The following GALNTL6 variants were observed in gnomAD, a reference collection of about 807,000 sequenced individuals.
GALNTL6 encodes polypeptide N-acetylgalactosaminyltransferase-like 6.
In GALNTL6, 46 loss-of-function variants were observed where a neutral mutation model predicts 73.7. That is an observed-to-expected ratio of 0.62 (90% CI 0.49 to 0.80). GALNTL6 has a LOEUF of 0.80. GALNTL6 is among the 30% of genes least tolerant of loss of function. The pLI is 0.00. For synonymous variants in GALNTL6, 259 were observed against 263.7 expected (o/e 0.98, Z 0.17); for missense variants, 604 against 755.0 (o/e 0.80, Z 2.34).
intron 5 of GALNTL6, among the ~76,000 whole-genome samples, chr4:172,543,630 G>A (rs1005219789): frequency 6.6e-6 from 1 of 152,176 alleles, no homozygotes; most frequent in African/African-American, 2.4e-5. Flanking sequence ...AAAAGTAAAT[G>A]GTTTGAGAAA....
At chr4:172,777,579 G>A (rs766786480) in intron 5 of GALNTL6, among the ~76,000 whole-genome samples, 89 of 152,280 alleles carry the variant, frequency 5.8e-4, no homozygotes, top group Middle Eastern at 3.4e-3. Context: ...ACTTTGCATT[G>A]TATCTGACTC....
intron 5 of GALNTL6, among the ~76,000 whole-genome samples, chr4:172,498,152 G>A (rs760829971): frequency 5.9e-5 from 9 of 151,742 alleles, no homozygotes; most frequent in Non-Finnish European, 8.8e-5. Flanking sequence ...CACCACACCC[G>A]GCTAATTTTT....
At chr4:172,606,619 GTATA>G in intron 5 of GALNTL6, among the ~76,000 whole-genome samples, 2 of 33,054 alleles carry the variant, frequency 6.1e-5, no homozygotes, top group African/African-American at 1.4e-4. Context: ...TACATATATA[GTATA>G]TATATACTAT....
At chr4:172,975,537 C>G (rs1750768329) in intron 10 of GALNTL6, among the ~76,000 whole-genome samples, 1 of 152,200 alleles carries the variant, frequency 6.6e-6, no homozygotes, top group South Asian at 2.1e-4. Flanking sequence ...GCTGAACTGA[C>G]AGCCTGGCCA....
chr4:172,337,461 A>C (rs1284568070), intron 4 of GALNTL6, among the ~76,000 whole-genome samples: 1 of 152,146 alleles, frequency 6.6e-6, no homozygotes, highest in African/African-American at 2.4e-5. Context: ...TGGATCTTTT[A>C]TAAGGTTGGT....
chr4:172,036,905 A>C lies in GALNTL6; in HGVS notation c.139-192751A>C, dbSNP rs374714542. Reference sequence around the variant, plus strand: ...TTCTGTCAGCACTGAAAGTTACCCTAGGGATAACATGAAGTTTTGAAATTA... The same window carrying C: ...TTCTGTCAGCACTGAAAGTTACCCTCGGGATAACATGAAGTTTTGAAATTA... On this transcript the variant is annotated intron_variant, in intron 2 of 12. Transcript: ENST00000506823. 7.2e-5 allele frequency among the ~76,000 whole-genome samples: 11 copies of C among 152,268 alleles called. No individual in the cohort carries two copies. The South Asian group carries it at 1.0e-3, about 14-fold the overall frequency.
In GALNTL6 at chr4:172,494,175, C is replaced by A. The variant is rs572144917; in HGVS notation, c.553+145486C>A. Among the ~76,000 whole-genome samples the A allele has an allele frequency of 3.3e-5, 5 of 152,234 alleles. No homozygotes were observed. The East Asian group carries it at 9.6e-4, about 29-fold the overall frequency. ...CAACCAAAATAAAATGTATTCACTG[C>A]CTTATTTTTGTCAGGCACTGTACAA... On this transcript the variant is annotated intron_variant, in intron 5 of 12. Coordinates refer to ENST00000506823, the MANE Select transcript of GALNTL6 (RefSeq NM_001034845.3).
intron 2 of GALNTL6, among the ~76,000 whole-genome samples, chr4:172,166,524 T>C (rs1734630765): frequency 6.6e-6 from 1 of 152,188 alleles, no homozygotes; most frequent in Admixed American, 6.5e-5. Flanking sequence ...AATTAAAGCT[T>C]GGTAAACAAA....
intron 5 of GALNTL6, among the ~76,000 whole-genome samples, chr4:172,791,603 A>AG (rs987082355): frequency 6.6e-6 from 1 of 151,788 alleles, no homozygotes; most frequent in Non-Finnish European, 1.5e-5. Context: ...ATGTCCTCTG[A>AG]GGGGGAGGGT....
intron 4 of GALNTL6, among the ~76,000 whole-genome samples, chr4:172,331,525 T>G (rs536624487): frequency 6.6e-6 from 1 of 152,222 alleles, no homozygotes; most frequent in South Asian, 2.1e-4. Flanking sequence ...GCTGGTTGAT[T>G]AGTAGCTTCC....
At chr4:172,081,586 C>G (rs1221483728) in intron 2 of GALNTL6, among the ~76,000 whole-genome samples, 1 of 152,112 alleles carries the variant, frequency 6.6e-6, no homozygotes, top group Non-Finnish European at 1.5e-5. Flanking sequence ...TGCAGTGAGC[C>G]GAGATTGCAC....
chr4:173,029,277 C>T lies in GALNTL6; in HGVS notation c.1638+7652C>T, dbSNP rs146337339. ...AGTCCTAATTGCCAGAAAGCTCTTC[C>T]CTGGCCTTTGATTACCACACAGATT... On this transcript the variant is annotated intron_variant, in intron 12 of 12. Transcript: ENST00000506823. Among the ~76,000 whole-genome samples, 137 of 152,318 alleles carry T rather than the reference C, an allele frequency of 9.0e-4. 1 individual carries two copies. The highest frequency in any genetic ancestry group is 2.8e-3 in the African/African-American group (117 of 41,566).
At chr4:172,037,685 G>A (rs529372892) in intron 2 of GALNTL6, among the ~76,000 whole-genome samples, 29 of 152,212 alleles carry the variant, frequency 1.9e-4, no homozygotes, top group Admixed American at 3.3e-4. Flanking sequence ...TTTAGGATGG[G>A]ACAGACTATG....
intron 5 of GALNTL6, among the ~76,000 whole-genome samples, chr4:172,420,741 AC>A (rs1193574358): frequency 6.6e-6 from 1 of 152,160 alleles, no homozygotes; most frequent in Non-Finnish European, 1.5e-5. Flanking sequence ...ACTATTTACA[AC>A]AGCAAAGACT....
intron 8 of GALNTL6, among the ~76,000 whole-genome samples, chr4:172,903,631 A>G (rs1746737374): frequency 6.6e-6 from 1 of 152,080 alleles, no homozygotes; most frequent in Admixed American, 6.6e-5. Context: ...TTTTTTTTGC[A>G]CTTGAGCCCA....
chr4:172,529,352 C>T (rs1334907127), intron 5 of GALNTL6, among the ~76,000 whole-genome samples: 1 of 151,872 alleles, frequency 6.6e-6, no homozygotes, highest in East Asian at 1.9e-4. Flanking sequence ...CATTTATTTT[C>T]TATACTACTT....
At chr4:173,005,763 A>G (rs1174737525) in intron 10 of GALNTL6, among the ~76,000 whole-genome samples, 1 of 152,178 alleles carries the variant, frequency 6.6e-6, no homozygotes, top group Non-Finnish European at 1.5e-5. Flanking sequence ...CTTATCCTAT[A>G]GTGAACTCAC....
At chr4:172,688,911 T>C (rs1203655270) in intron 5 of GALNTL6, among the ~76,000 whole-genome samples, 1 of 152,226 alleles carries the variant, frequency 6.6e-6, no homozygotes, top group African/African-American at 2.4e-5. Context: ...CATCCTTGTC[T>C]CTCTGTGCAA....
At chr4:172,756,639 A>T (rs1263592983) in intron 5 of GALNTL6, among the ~76,000 whole-genome samples, 3 of 141,092 alleles carry the variant, frequency 2.1e-5, no homozygotes, top group Non-Finnish European at 3.1e-5. Flanking sequence ...GCGTGTGACT[A>T]AAAAAAAAAA....
Sources: gnomAD v4.1 joint callset for allele counts (sites outside exome capture counted in the v4.1 genomes callset) on GRCh38, gnomAD v4.1.1 for gene constraint, MANE v1.5 for transcripts, NCBI Gene and HGNC (gene_info 2026-07-23, HGNC 2026-07-21) for gene names.